The following EPB41 variants were observed in gnomAD, a reference collection of about 807,000 sequenced individuals.
EPB41 encodes the protein erythrocyte membrane protein band 4.1.
A neutral mutation model predicts 108.0 loss-of-function variants in EPB41; 65 were observed. That is an observed-to-expected ratio of 0.60 (90% CI 0.49 to 0.74). The LOEUF is 0.74. EPB41 is among the 30% of genes least tolerant of loss of function. The probability of loss-of-function intolerance (pLI) is 0.00; values close to 1 mark genes in which losing one functional copy is unlikely to be tolerated. For synonymous variants in EPB41, 336 were observed against 358.9 expected (o/e 0.94, Z 0.72); for missense variants, 875 against 1,037.0 (o/e 0.84, Z 2.15).
chr1:29,093,912 A>T (rs992466120), intron 16 of EPB41, among the ~76,000 whole-genome samples: 2 of 152,022 alleles, frequency 1.3e-5, no homozygotes, highest in African/African-American at 4.8e-5. Flanking sequence ...CTCCAAATAT[A>T]TATGTATATT....
At chr1:28,977,855 GT>G (rs535156356) in intron 1 of EPB41, among the ~76,000 whole-genome samples, 89 of 146,356 alleles carry the variant, frequency 6.1e-4, no homozygotes, top group African/African-American at 1.7e-3. Flanking sequence ...GATCCATAGG[GT>G]TTTTTTTTCT....
chr1:28,888,130 T>C (rs1406912466), intron 1 of EPB41, among the ~76,000 whole-genome samples: 5 of 152,076 alleles, frequency 3.3e-5, no homozygotes, highest in Admixed American at 1.3e-4. Context: ...GGGAAGATGA[T>C]TCTAGGACCC....
At chr1:29,042,698 T>TGAAC (rs1641972777) in intron 11 of EPB41, among the ~76,000 whole-genome samples, 1 of 152,032 alleles carries the variant, frequency 6.6e-6, no homozygotes, top group African/African-American at 2.4e-5. Context: ...AGGCTAGTCT[T>TGAAC]GAACTCCTGG....
chr1:28,901,612 C>T (rs897016767), intron 1 of EPB41, among the ~76,000 whole-genome samples: 1 of 151,924 alleles, frequency 6.6e-6, no homozygotes, highest in African/African-American at 2.4e-5. Flanking sequence ...TGGCTCACTG[C>T]AATCTCCGCC....
intron 1 of EPB41, among the ~76,000 whole-genome samples, chr1:28,966,052 G>A (rs1367181948): frequency 6.6e-6 from 1 of 151,872 alleles, no homozygotes; most frequent in African/African-American, 2.4e-5. Flanking sequence ...GCATGGTGGC[G>A]GGAGCCTGTA....
chr1:29,011,757 A>G (rs111866687), intron 4 of EPB41, 108 bp from the exon 5 acceptor site: 5 of 1,169,214 alleles, frequency 4.3e-6, no homozygotes, highest in Non-Finnish European at 6.2e-6. Context: ...AAGGAAATGC[A>G]GGTTGATCTG....
chr1:29,011,364 CAAAAAGAAAAAAAA>C (rs1325614486), intron 4 of EPB41, among the ~76,000 whole-genome samples: 15 of 132,518 alleles, frequency 1.1e-4, no homozygotes, highest in Non-Finnish European at 2.2e-4. Flanking sequence ...GACTCCTTCT[CAAAAAGAAAAAAAA>C]AAAAAGAAAA....
intron 1 of EPB41, among the ~76,000 whole-genome samples, chr1:28,951,422 G>T (rs1000476637): frequency 1.2e-4 from 18 of 151,840 alleles, no homozygotes; most frequent in African/African-American, 4.4e-4. Context: ...GGAGGAATTG[G>T]AGCAGGAGAC....
chr1:29,061,572 GTTTTTTTTTTTTTT>G (rs34413393), intron 15 of EPB41, among the ~76,000 whole-genome samples: 1 of 64,036 alleles, frequency 1.6e-5, no homozygotes, highest in Non-Finnish European at 2.8e-5. Flanking sequence ...CCTGGCCTTT[GTTTTTTTTTTTTTT>G]TTTTTTTTTT....
chr1:28,971,896 A>C (rs2095504187), intron 1 of EPB41, among the ~76,000 whole-genome samples: 1 of 151,982 alleles, frequency 6.6e-6, no homozygotes, highest in Admixed American at 6.6e-5. Context: ...AAAATAATAC[A>C]CTTTGACACT....
At position 28,989,454 on chromosome 1, in the gene EPB41, C is replaced by CT. The variant is rs1337138140; in HGVS notation, c.468+1550dup. On this transcript the variant is annotated intron_variant, in intron 2 of 20. Coordinates refer to ENST00000343067, the MANE Select transcript of EPB41 (RefSeq NM_001376013.1). ...TAAAAGTGTAAGTCCTTCTAGAACT[C>CT]TGACAGTGTTGGGGGGAAAAAAGTA... 7.4e-6 allele frequency: 7 copies of CT among 941,960 alleles called. No homozygotes were observed. In the African/African-American group the frequency reaches 1.1e-4, roughly 14 times the overall value. The allele number at this position is 941,960 out of a possible 1,614,324, so 58.4% of individuals were successfully genotyped here.
At chr1:28,992,186 G>T (rs1251128215) in intron 2 of EPB41, among the ~76,000 whole-genome samples, 4 of 152,170 alleles carry the variant, frequency 2.6e-5, no homozygotes, top group African/African-American at 9.7e-5. Context: ...ATGAAAGATC[G>T]GAAGGAGTCT....
At chr1:29,034,300 C>T (rs148827034) in intron 9 of EPB41, among the ~76,000 whole-genome samples, 196 of 152,198 alleles carry the variant, frequency 1.3e-3, no homozygotes, top group African/African-American at 4.5e-3. Flanking sequence ...GAATCTCATC[C>T]CTCACACACG....
At chr1:28,947,832 T>C (rs1014050085) in intron 1 of EPB41, among the ~76,000 whole-genome samples, 5 of 152,200 alleles carry the variant, frequency 3.3e-5, no homozygotes, top group African/African-American at 1.2e-4. Context: ...AAACAGCAGT[T>C]ATTCTAGATA....
chr1:29,109,246 G>A, intron 17 of EPB41, 90 bp from the exon 18 acceptor site: 1 of 954,336 alleles, frequency 1.0e-6, no homozygotes, highest in Non-Finnish European at 1.7e-6. Flanking sequence ...TTTTGCATCA[G>A]AATGTGCAGC....
At chr1:28,954,310 C>T (rs1477764334) in intron 1 of EPB41, among the ~76,000 whole-genome samples, 1 of 152,214 alleles carries the variant, frequency 6.6e-6, no homozygotes, top group African/African-American at 2.4e-5. Context: ...TAACAAAGAG[C>T]TATTGGCACC....
At chr1:29,046,104 T>TA (rs948021255) in intron 11 of EPB41, among the ~76,000 whole-genome samples, 15 of 152,072 alleles carry the variant, frequency 9.9e-5, no homozygotes, top group Admixed American at 3.3e-4. Flanking sequence ...GTAATCTTAC[T>TA]AAAAAAATTT....
chr1:28,948,504 T>C (rs1274517642), intron 1 of EPB41, among the ~76,000 whole-genome samples: 1 of 43,286 alleles, frequency 2.3e-5, no homozygotes, highest in Admixed American at 3.1e-4. Context: ...AGACTCCGTA[T>C]CAAAAAAAAA....
chr1:28,955,356 T>C (rs2094902618), intron 1 of EPB41, among the ~76,000 whole-genome samples: 1 of 152,122 alleles, frequency 6.6e-6, no homozygotes, highest in Non-Finnish European at 1.5e-5. Flanking sequence ...ATTCTTTTTT[T>C]TTTTGAGACG....
Sources: allele counts gnomAD v4.1 joint callset (sites outside exome capture counted in the v4.1 genomes callset), GRCh38; gene constraint gnomAD v4.1.1; transcripts MANE v1.5; gene names NCBI Gene and HGNC (gene_info 2026-07-23, HGNC 2026-07-21).